Variants in RMDN1 observed in about 807,000 individuals in gnomAD.
The protein encoded by RMDN1 is regulator of microtubule dynamics 1.
A neutral mutation model predicts 48.9 loss-of-function variants in RMDN1; 48 were observed. The ratio of observed to expected loss-of-function variants is 0.98; its 90% CI spans 0.78 to 1.25. The LOEUF (loss-of-function observed/expected upper bound fraction) is 1.25, where lower values mean the gene tolerates loss of function less well. RMDN1 is among the 50% of genes most tolerant of loss of function. The pLI is 0.00. For missense variants in RMDN1, 418 were observed against 373.4 expected (o/e 1.12, Z -0.98); for synonymous variants, 148 against 132.6 (o/e 1.12, Z -0.80).
intron 2 of RMDN1, among the ~76,000 whole-genome samples, chr8:86,490,619 A>G (rs1342634130): frequency 1.3e-5 from 2 of 152,124 alleles, no homozygotes; most frequent in African/African-American, 2.4e-5. Flanking sequence ...GGCAAGATAC[A>G]GAACTAAAGA....
At chr8:86,507,833 G>A (rs890031662) in intron 1 of RMDN1, among the ~76,000 whole-genome samples, 2 of 152,154 alleles carry the variant, frequency 1.3e-5, no homozygotes, top group African/African-American at 2.4e-5. Flanking sequence ...AATTCTGAAA[G>A]ATTTTAACTG....
chr8:86,501,780 A>C (rs1251124976), intron 2 of RMDN1, among the ~76,000 whole-genome samples: 2 of 152,174 alleles, frequency 1.3e-5, no homozygotes, highest in East Asian at 1.9e-4. Context: ...GACTTGTCCT[A>C]ACTATTTTAT....
At chr8:86,469,609 C>T (rs1330837725), downstream of RMDN1, among the ~76,000 whole-genome samples, 6 of 152,204 alleles carry the variant, frequency 3.9e-5, no homozygotes, top group Admixed American at 3.3e-4. Flanking sequence ...CCAAATACAG[C>T]CTATTGTAGA....
chr8:86,492,260 T>G lies in RMDN1; in HGVS notation c.248-3621A>C, dbSNP rs190999313. Among the ~76,000 whole-genome samples the G allele has an allele frequency of 2.9e-3, 437 of 152,278 alleles. 1 individual carries two copies. Among genetic ancestry groups the G allele is most frequent in the African/African-American group, 9.6e-3 (399 of 41,550 alleles). On this transcript the variant is annotated intron_variant, in intron 2 of 9. Coordinates refer to ENST00000406452, the MANE Select transcript of RMDN1 (RefSeq NM_016033.3). ...AAAGAACCTTTAAGTTGGGCACTTG[T>G]GATTATCTTTTAAGCATTTTACACA...
At chr8:86,504,821 AGTC>A in intron 2 of RMDN1, 1 of 1,041,834 alleles carries the variant, frequency 9.6e-7, no homozygotes, top group Non-Finnish European at 1.5e-6. Flanking sequence ...CCAACTTCTT[AGTC>A]GGACTGCTCT....
chr8:86,487,710 A>G (rs1165998685), intron 3 of RMDN1, among the ~76,000 whole-genome samples: 1 of 152,168 alleles, frequency 6.6e-6, no homozygotes, highest in Non-Finnish European at 1.5e-5. Context: ...TAATTAAGAT[A>G]GTTATCATTC....
chr8:86,470,517 A>G, downstream of RMDN1: 1 of 937,214 alleles, frequency 1.1e-6, no homozygotes, highest in Non-Finnish European at 1.4e-6. Context: ...GGAAAAATGA[A>G]GATAAAAGGA....
At chr8:86,485,030 A>G (rs1815229213) in intron 4 of RMDN1, 69 bp from the exon 5 acceptor site, 7 of 855,082 alleles carry the variant, frequency 8.2e-6, no homozygotes, top group Non-Finnish European at 1.3e-5. Context: ...GTAAAACTGT[A>G]TAATATTCTT....
chr8:86,468,821 G>C (rs1371413152), downstream of RMDN1: 1 of 409,490 alleles, frequency 2.4e-6, no homozygotes, highest in Non-Finnish European at 4.8e-6. Context: ...TATCTACCCA[G>C]TAGCAGTCAG....
At chr8:86,474,718 A>C in intron 9 of RMDN1, 102 bp downstream of exon 9, 3 of 1,055,628 alleles carry the variant, frequency 2.8e-6, no homozygotes, top group Non-Finnish European at 4.4e-6. Flanking sequence ...TGTTTTCAAC[A>C]ATATTATGCA....
In RMDN1 at chr8:86,479,888, A is replaced by G. The variant is rs150786494; in HGVS notation, c.641+389T>C. 5.3e-4 allele frequency among the ~76,000 whole-genome samples: 80 copies of G among 152,220 alleles called. 1 individual carries two copies. In the East Asian group the frequency reaches 8.7e-3, roughly 17 times the overall value. Reference sequence around the variant, plus strand: ...CATAAGATCACATAAAAATAGAAAGATACTGAAAATCAGATTATATGGTTC... The same window carrying G: ...CATAAGATCACATAAAAATAGAAAGGTACTGAAAATCAGATTATATGGTTC... On this transcript the variant is annotated intron_variant, in intron 6 of 9. Coordinates refer to ENST00000406452, the MANE Select transcript of RMDN1 (RefSeq NM_016033.3).
At chr8:86,490,592 A>G (rs1295278826) in intron 2 of RMDN1, among the ~76,000 whole-genome samples, 3 of 149,214 alleles carry the variant, frequency 2.0e-5, no homozygotes, top group African/African-American at 5.2e-5. Flanking sequence ...AGTCAGACCC[A>G]TTTTTGGCTT....
rs373842581 is a variant in RMDN1, at chr8:86,483,325, A to C, written c.585+1547T>G. Among the ~76,000 whole-genome samples, 8 of 152,322 alleles carry C rather than the reference A, an allele frequency of 5.3e-5. 1 individual carries two copies. The highest frequency in any genetic ancestry group is 3.9e-4 in the East Asian group (2 of 5,192). On this transcript the variant is annotated intron_variant, in intron 5 of 9. Transcript: ENST00000406452. ...AAGTATACATTTGTGTATTTTCTAC[A>C]GTTCTTCATTATTCCCTTTGGAAGT...
chr8:86,508,853 C>A (rs1819874279), upstream of RMDN1: 2 of 1,218,408 alleles, frequency 1.6e-6, no homozygotes, highest in Non-Finnish European at 2.1e-6. Context: ...CGCCTGCGTC[C>A]AGGACTGAGG....
At chr8:86,503,950 T>C (rs1177852073) in intron 2 of RMDN1, 1 of 756,154 alleles carries the variant, frequency 1.3e-6, no homozygotes. Flanking sequence ...CCTGGGCTGC[T>C]TGGTTATTGG....
intron 2 of RMDN1, among the ~76,000 whole-genome samples, chr8:86,499,736 C>T (rs1391735527): frequency 6.6e-6 from 1 of 152,148 alleles, no homozygotes; most frequent in African/African-American, 2.4e-5. Flanking sequence ...ATAGCCAAGG[C>T]GATCCTAAGC....
chr8:86,469,878 T>C (rs750750520), downstream of RMDN1, among the ~76,000 whole-genome samples: 1 of 152,238 alleles, frequency 6.6e-6, no homozygotes, highest in African/African-American at 2.4e-5. Context: ...CTGGTATTCA[T>C]GGTAAATCCT....
Position 86,472,750 on chromosome 8 carries a change from C to T in RMDN1, c.*1558G>A, listed in dbSNP as rs1282188323. 8.0e-6 allele frequency: 3 copies of T among 376,728 alleles called. No individual in the cohort carries two copies. The highest frequency in any genetic ancestry group is 1.4e-5 in the Non-Finnish European group (3 of 212,286). The allele number at this position is 376,728 out of a possible 1,614,324, so 23.3% of individuals were successfully genotyped here. ...ATGAATAAGTATAAGAAAATAACTGCTTATTGGTAGCATATACATTCAGTC... is the reference window on the plus strand; with the variant it reads ...ATGAATAAGTATAAGAAAATAACTGTTTATTGGTAGCATATACATTCAGTC... On this transcript the variant is annotated 3_prime_UTR_variant, in exon 10 of 10. Coordinates refer to ENST00000406452, the MANE Select transcript of RMDN1 (RefSeq NM_016033.3).
intron 2 of RMDN1, among the ~76,000 whole-genome samples, chr8:86,495,845 C>T (rs1011370610): frequency 1.7e-4 from 26 of 152,144 alleles, no homozygotes; most frequent in African/African-American, 5.8e-4. Flanking sequence ...CCTCAAGACA[C>T]ATAGTCATCA....
Sources: allele counts gnomAD v4.1 joint callset (sites outside exome capture counted in the v4.1 genomes callset), GRCh38; gene constraint gnomAD v4.1.1; transcripts MANE v1.5; gene names NCBI Gene and HGNC (gene_info 2026-07-23, HGNC 2026-07-21).